DPYD: variants seen among roughly 807,000 people sequenced by gnomAD.
DPYD encodes dihydropyrimidine dehydrogenase [NADP(+)].
Under a neutral mutation model 116.2 loss-of-function variants are expected in DPYD, and 109 were observed. The observed-to-expected ratio is 0.94, with a 90% CI of 0.80 to 1.10. The LOEUF is 1.10. Among genes scored for constraint, DPYD ranks in the 50% least tolerant of loss-of-function variants. The pLI, the probability that DPYD is intolerant of heterozygous loss-of-function variation, is 0.00. For synonymous variants in DPYD, 440 were observed against 432.0 expected, an observed-to-expected ratio of 1.02 and a Z score of -0.23; for missense variants, 1,302 against 1,254.5, an observed-to-expected ratio of 1.04 and a Z score of -0.57.
intron 19 of DPYD, among the ~76,000 whole-genome samples, chr1:97,218,175 A>G (rs371627439): frequency 1.1e-4 from 16 of 152,292 alleles, no homozygotes; most frequent in African/African-American, 3.9e-4. Context: ...GAGATTTTTG[A>G]AAAATGTTAA....
At chr1:97,284,197 TTA>T (rs1665511786) in intron 18 of DPYD, among the ~76,000 whole-genome samples, 1 of 152,178 alleles carries the variant, frequency 6.6e-6, no homozygotes, top group Non-Finnish European at 1.5e-5. Context: ...CACAACAATA[TTA>T]AATAACAATG....
At chr1:97,783,395 A>C (rs1666862877) in intron 3 of DPYD, among the ~76,000 whole-genome samples, 1 of 151,870 alleles carries the variant, frequency 6.6e-6, no homozygotes, top group South Asian at 2.1e-4. Context: ...TTATTTATTT[A>C]TTTACTTATT....
At chr1:97,685,995 G>A (rs1660706275) in intron 7 of DPYD, among the ~76,000 whole-genome samples, 1 of 152,024 alleles carries the variant, frequency 6.6e-6, no homozygotes, top group African/African-American at 2.4e-5. Context: ...AAATTCATAT[G>A]GAACCAAAAA....
chr1:97,831,095 C>A (rs1302567315), intron 2 of DPYD, among the ~76,000 whole-genome samples: 6 of 152,144 alleles, frequency 3.9e-5, no homozygotes, highest in Non-Finnish European at 4.4e-5. Context: ...TTAACTATTA[C>A]CTTGACTAAA....
chr1:97,829,577 G>A (rs1248177829), intron 2 of DPYD, among the ~76,000 whole-genome samples: 1 of 152,036 alleles, frequency 6.6e-6, no homozygotes, highest in Non-Finnish European at 1.5e-5. Flanking sequence ...TCTAATTTAA[G>A]TACAGTGTTT....
intron 18 of DPYD, among the ~76,000 whole-genome samples, chr1:97,293,856 G>A (rs1023161951): frequency 5.4e-5 from 8 of 147,702 alleles, no homozygotes; most frequent in African/African-American, 1.7e-4. Flanking sequence ...GCTGAGGCAT[G>A]AGAATCGCTC....
intron 19 of DPYD, among the ~76,000 whole-genome samples, chr1:97,202,243 T>C (rs1002432755): frequency 3.9e-5 from 6 of 152,208 alleles, no homozygotes; most frequent in African/African-American, 7.2e-5. Flanking sequence ...TTGCCACTCA[T>C]TGATCAGTCC....
chr1:97,177,761 A>T (rs1219493064), intron 20 of DPYD, among the ~76,000 whole-genome samples: 1 of 152,134 alleles, frequency 6.6e-6, no homozygotes, highest in Non-Finnish European at 1.5e-5. Context: ...TAACTTATTT[A>T]AAGTCAGGCT....
intron 2 of DPYD, among the ~76,000 whole-genome samples, chr1:97,858,931 T>G (rs1342226889): frequency 4.6e-5 from 7 of 152,092 alleles, no homozygotes; most frequent in Admixed American, 4.6e-4. Flanking sequence ...ACATGTCATG[T>G]TACAGTTCTA....
intron 8 of DPYD, among the ~76,000 whole-genome samples, chr1:97,638,776 T>C (rs984812278): frequency 6.6e-6 from 1 of 152,016 alleles, no homozygotes; most frequent in Non-Finnish European, 1.5e-5. Flanking sequence ...AGTGTCGGGC[T>C]CTTCTTAAAA....
At position 97,710,453 on chromosome 1, in the gene DPYD, C is replaced by A. The variant is rs147838785; in HGVS notation, c.484-10906G>T. On this transcript the variant is annotated intron_variant, in intron 5 of 22. Coordinates refer to ENST00000370192, the MANE Select transcript of DPYD (RefSeq NM_000110.4). ...CTTCATAACAATTAGACCAGGAACACCAAAAGTGAGTACTGTGTTTCAAAT... is the reference window on the plus strand; with the variant it reads ...CTTCATAACAATTAGACCAGGAACAACAAAAGTGAGTACTGTGTTTCAAAT... Among the ~76,000 whole-genome samples, 3 of 151,664 alleles carry A rather than the reference C, an allele frequency of 2.0e-5. No individual in the cohort carries two copies. The East Asian group carries it at 5.8e-4, about 29-fold the overall frequency.
intron 16 of DPYD, among the ~76,000 whole-genome samples, chr1:97,307,949 C>A (rs534661407): frequency 1.3e-5 from 2 of 151,964 alleles, no homozygotes; most frequent in African/African-American, 4.8e-5. Context: ...TTAAGGTAGA[C>A]TTTGACAATA....
intron 3 of DPYD, among the ~76,000 whole-genome samples, chr1:97,825,628 G>A (rs1487664396): frequency 3.5e-5 from 2 of 57,206 alleles, no homozygotes; most frequent in East Asian, 3.8e-3. Flanking sequence ...TCATGGGGTG[G>A]GGGGAGGGGG....
At chr1:97,638,696 C>A (rs1052035001) in intron 8 of DPYD, among the ~76,000 whole-genome samples, 2 of 152,080 alleles carry the variant, frequency 1.3e-5, no homozygotes, top group African/African-American at 4.8e-5. Context: ...AGTAGACTTA[C>A]AATCGTGGCA....
At chr1:97,557,840 A>T (rs2102121691) in intron 11 of DPYD, among the ~76,000 whole-genome samples, 1 of 152,334 alleles carries the variant, frequency 6.6e-6, no homozygotes. Flanking sequence ...AGTACATGGC[A>T]GGCATACTGC....
intron 16 of DPYD, among the ~76,000 whole-genome samples, chr1:97,372,385 T>C (rs971097065): frequency 2.6e-5 from 4 of 152,120 alleles, no homozygotes; most frequent in African/African-American, 9.7e-5. Context: ...TATCTAATCA[T>C]GTGACTCATA....
chr1:97,411,033 C>G (rs1023144692), intron 14 of DPYD, among the ~76,000 whole-genome samples: 1 of 152,016 alleles, frequency 6.6e-6, no homozygotes, highest in Non-Finnish European at 1.5e-5. Flanking sequence ...AAAGAATGGA[C>G]GGTGGGGTCA....
intron 20 of DPYD, among the ~76,000 whole-genome samples, chr1:97,105,904 G>A (rs1651103118): frequency 6.6e-6 from 1 of 152,106 alleles, no homozygotes; most frequent in African/African-American, 2.4e-5. Context: ...GAAATGAAGT[G>A]AAGGAACTAC....
rs1161668144 is a variant in DPYD, at chr1:97,682,667, A to T, written c.763-3485T>A. Among the ~76,000 whole-genome samples, 5 of 152,078 alleles carry T rather than the reference A, an allele frequency of 3.3e-5. No homozygotes were observed. In the East Asian group the frequency reaches 9.6e-4, roughly 29 times the overall value. On this transcript the variant is annotated intron_variant, in intron 7 of 22. Transcript: ENST00000370192. The stretch of plus-strand genomic sequence containing the variant: ...GTTGGCTGATAAGCTATGAAATCTC[A>T]ATGTTATTTGTTAAATATATATGAT...
Sources: gnomAD v4.1 joint callset for allele counts (sites outside exome capture counted in the v4.1 genomes callset) on GRCh38, gnomAD v4.1.1 for gene constraint, MANE v1.5 for transcripts, NCBI Gene and HGNC (gene_info 2026-07-23, HGNC 2026-07-21) for gene names.